The following AKAP13 variants were observed in gnomAD, a reference collection of about 807,000 sequenced individuals.
AKAP13 encodes A-kinase anchoring protein 13, also known as A-kinase anchor protein 13.
AKAP13 carries 80 observed loss-of-function variants against 264.5 expected under a neutral mutation model. The observed-to-expected ratio is 0.30, with a 90% CI of 0.25 to 0.36. AKAP13 has a LOEUF of 0.36. AKAP13 is among the 10% of genes least tolerant of loss of function. The probability of loss-of-function intolerance (pLI) is 1.00; values close to 1 mark genes in which losing one functional copy is unlikely to be tolerated. For synonymous variants in AKAP13, 1,380 were observed against 1,250.2 expected, an observed-to-expected ratio of 1.10 and a Z score of -2.19; for missense variants, 3,712 against 3,435.2, an observed-to-expected ratio of 1.08 and a Z score of -2.01.
intron 1 of AKAP13, among the ~76,000 whole-genome samples, chr15:85,481,663 T>C (rs1001629316): frequency 2.0e-5 from 3 of 152,252 alleles, no homozygotes; most frequent in Non-Finnish European, 4.4e-5. Flanking sequence ...CTGGCTTTAC[T>C]ACTGAGTGGT....
chr15:85,388,181 G>A (rs1007095177), intron 1 of AKAP13, among the ~76,000 whole-genome samples: 1 of 151,608 alleles, frequency 6.6e-6, no homozygotes, highest in Non-Finnish European at 1.5e-5. Flanking sequence ...GATTACAGGT[G>A]CATGTTGTCA....
chr15:85,463,880 A>G (rs893051189), intron 1 of AKAP13, among the ~76,000 whole-genome samples: 8 of 151,874 alleles, frequency 5.3e-5, no homozygotes, highest in East Asian at 1.9e-4. Flanking sequence ...GTCCTTGCCA[A>G]TGTGCCTTGA....
At position 85,646,254 on chromosome 15, in the gene AKAP13, C is replaced by A. The variant is rs1006001063; in HGVS notation, c.4374+300C>A. ...CTTTGGGAGGCTGAGGTGGGCGGACCCCTTGAGGTCAGGAGTTCGAGACCA... is the reference window on the plus strand; with the variant it reads ...CTTTGGGAGGCTGAGGTGGGCGGACACCTTGAGGTCAGGAGTTCGAGACCA... On this transcript the variant is annotated intron_variant, in intron 10 of 36. Transcript: ENST00000394518. 6.6e-5 allele frequency among the ~76,000 whole-genome samples: 10 copies of A among 152,034 alleles called. No homozygotes were observed. The East Asian group carries it at 1.9e-3, about 29-fold the overall frequency.
At chr15:85,426,076 C>G (rs1281617126) in intron 1 of AKAP13, among the ~76,000 whole-genome samples, 1 of 152,166 alleles carries the variant, frequency 6.6e-6, no homozygotes, top group Admixed American at 6.5e-5. Context: ...ACTAATTCAT[C>G]CAGACGAACT....
chr15:85,567,247 A>G (rs1400199970), intron 5 of AKAP13, among the ~76,000 whole-genome samples: 1 of 152,020 alleles, frequency 6.6e-6, no homozygotes, highest in African/African-American at 2.4e-5. Context: ...AGCTGGGACT[A>G]CAGGCGTGTA....
chr15:85,457,789 G>C (rs1392606498), intron 1 of AKAP13, among the ~76,000 whole-genome samples: 1 of 152,200 alleles, frequency 6.6e-6, no homozygotes. Context: ...CACGAAGAGA[G>C]ATTTGAATGT....
chr15:85,437,436 T>C (rs1297902500), intron 1 of AKAP13, among the ~76,000 whole-genome samples: 2 of 151,858 alleles, frequency 1.3e-5, no homozygotes, highest in South Asian at 2.1e-4. Flanking sequence ...TTCCAATCAA[T>C]AGAAAAAGAG....
At chr15:85,696,189 T>C (rs1460087755) in intron 17 of AKAP13, among the ~76,000 whole-genome samples, 1 of 152,240 alleles carries the variant, frequency 6.6e-6, no homozygotes, top group African/African-American at 2.4e-5. Context: ...ATGACTTCTT[T>C]GAAGGAATTT....
rs2082204998 is a variant in AKAP13, at chr15:85,639,406, A to G, written c.4194A>G (p.Pro1398=). ...INRENWCTIE[P]CPDAASLLAS... ...GAGAAAACTGGTGTACAATAGAGCC[A>G]TGCCCTGATGCAGCATCTCTTCTGG... is the stretch of plus-strand genomic sequence containing the variant. Residue 1398 remains proline (P), a synonymous_variant, in exon 9 of 37, where the codon CCA becomes CCG. Coordinates refer to ENST00000394518, the MANE Select transcript of AKAP13 (RefSeq NM_007200.5). 6.2e-7 allele frequency: 1 copy of G among 1,612,996 alleles called. No homozygotes were observed. Among genetic ancestry groups the G allele is most frequent in the Non-Finnish European group, 8.5e-7 (1 of 1,179,690 alleles).
chr15:85,744,786 C>T lies in AKAP13; in HGVS notation c.*109C>T, dbSNP rs558767406. 4.3e-5 allele frequency: 45 copies of T among 1,042,924 alleles called. No homozygotes were observed. Among genetic ancestry groups the T allele is most frequent in the South Asian group, 2.5e-4 (16 of 63,040 alleles). 64.6% of individuals were successfully genotyped at this position (1,042,924 alleles called of 1,614,324 possible). On this transcript the variant is annotated 3_prime_UTR_variant, in exon 37 of 37. Coordinates refer to ENST00000394518, the MANE Select transcript of AKAP13 (RefSeq NM_007200.5). ...ACACTGGACGCCCACTGCTCCTCAGCGTCCAGTCCTCCTGGGCGGCCCCAG... is the reference window on the plus strand; with the variant it reads ...ACACTGGACGCCCACTGCTCCTCAGTGTCCAGTCCTCCTGGGCGGCCCCAG...
chr15:85,570,833 C>T (rs1319157298), intron 5 of AKAP13, among the ~76,000 whole-genome samples: 1 of 152,112 alleles, frequency 6.6e-6, no homozygotes, highest in Non-Finnish European at 1.5e-5. Context: ...TGGAAAACCA[C>T]AGGCAGCCAG....
chr15:85,432,117 C>T (rs993653249), intron 1 of AKAP13, among the ~76,000 whole-genome samples: 2 of 151,650 alleles, frequency 1.3e-5, no homozygotes, highest in Non-Finnish European at 2.9e-5. Flanking sequence ...TAGAAGAATA[C>T]GTATTTTAGT....
chr15:85,397,653 G>C (rs1341355495), intron 1 of AKAP13, among the ~76,000 whole-genome samples: 1 of 152,100 alleles, frequency 6.6e-6, no homozygotes, highest in African/African-American at 2.4e-5. Context: ...TGCAAGGAAG[G>C]TATTTTTATG....
intron 5 of AKAP13, among the ~76,000 whole-genome samples, chr15:85,572,333 T>TGCCACACAATA: frequency 6.6e-6 from 1 of 152,206 alleles, no homozygotes; most frequent in Non-Finnish European, 1.5e-5. Context: ...TAAGGCATGT[T>TGCCACACAATA]AGTGACTATG....
intron 3 of AKAP13, among the ~76,000 whole-genome samples, chr15:85,531,319 G>A (rs1159986609): frequency 2.6e-5 from 4 of 152,182 alleles, no homozygotes; most frequent in Non-Finnish European, 5.9e-5. Context: ...CTTCATTGCA[G>A]TTATCTGCAA....
intron 1 of AKAP13, among the ~76,000 whole-genome samples, chr15:85,451,458 T>C (rs963848854): frequency 3.9e-5 from 6 of 152,194 alleles, no homozygotes; most frequent in African/African-American, 1.2e-4. Context: ...GTGGTTGATT[T>C]ACAGTGATAC....
chr15:85,685,859 G>T (rs562288682), intron 16 of AKAP13, among the ~76,000 whole-genome samples: 2 of 152,084 alleles, frequency 1.3e-5, no homozygotes, highest in Admixed American at 1.3e-4. Flanking sequence ...GTAAAAGAAT[G>T]AAAATCTCCT....
chr15:85,743,619 C>T lies in AKAP13; in HGVS notation c.8186C>T (p.Pro2729Leu), dbSNP rs1433451919. The change falls in exon 36 of 37, where the codon CCA becomes CTA. Residue 2729 changes from proline (P) to leucine (L), a missense_variant. Pro to Leu is a moderately conservative substitution (Grantham distance 98, BLOSUM62 -3). Coordinates refer to ENST00000394518, the MANE Select transcript of AKAP13 (RefSeq NM_007200.5). ...TTGGACTCAGAACTTTCAGTGTCCC[C>T]AAAAAGGAACAGCATCTCTCGGACA... ...GSLDSELSVS[P>L]KRNSISRTHK... The T allele has an allele frequency of 1.9e-6, 3 of 1,614,020 alleles. No homozygotes were observed. The highest frequency in any genetic ancestry group is 2.5e-6 in the Non-Finnish European group (3 of 1,179,996).
At chr15:85,671,421 G>A (rs1301123510) in intron 14 of AKAP13, among the ~76,000 whole-genome samples, 3 of 115,944 alleles carry the variant, frequency 2.6e-5, no homozygotes, top group African/African-American at 1.0e-4. Flanking sequence ...GTGATAGAGT[G>A]AGACACTGCC....
Sources: gnomAD v4.1 joint callset for allele counts (sites outside exome capture counted in the v4.1 genomes callset) on GRCh38, gnomAD v4.1.1 for gene constraint, MANE v1.5 for transcripts, NCBI Gene and HGNC (gene_info 2026-07-23, HGNC 2026-07-21) for gene names.